The following KCNK10 variants were observed in gnomAD, a reference collection of about 807,000 sequenced individuals.
KCNK10 encodes the protein potassium two pore domain channel subfamily K member 10.
In KCNK10, 25 loss-of-function variants were observed where a neutral mutation model predicts 47.7. The observed-to-expected ratio is 0.52, with a 90% CI of 0.38 to 0.73. The LOEUF (loss-of-function observed/expected upper bound fraction) is 0.73, where lower values mean the gene tolerates loss of function less well. KCNK10 is among the 30% of genes least tolerant of loss of function. The pLI is 0.00. For missense variants in KCNK10, 563 were observed against 714.5 expected (o/e 0.79, Z 2.42); for synonymous variants, 303 against 285.6 (o/e 1.06, Z -0.61).
chr14:88,320,318 T>A (rs1566724111), intron 1 of KCNK10, among the ~76,000 whole-genome samples: 1 of 152,266 alleles, frequency 6.6e-6, no homozygotes, highest in Non-Finnish European at 1.5e-5. Context: ...GCTATTTGTA[T>A]GCTTTTCTTC....
At chr14:88,326,549 G>T, upstream of KCNK10, 1 of 919,300 alleles carries the variant, frequency 1.1e-6, no homozygotes. Context: ...CTGGTGGAAA[G>T]AGACTGCCTA....
At chr14:88,237,279 T>C (rs1464498167) in intron 3 of KCNK10, among the ~76,000 whole-genome samples, 1 of 152,196 alleles carries the variant, frequency 6.6e-6, no homozygotes, top group Non-Finnish European at 1.5e-5. Context: ...ATCTTCACAC[T>C]CTACTTCTAA....
intron 1 of KCNK10, among the ~76,000 whole-genome samples, chr14:88,279,133 C>A (rs11623674): frequency 6.6e-6 from 1 of 152,114 alleles, no homozygotes; most frequent in Non-Finnish European, 1.5e-5. Context: ...TTATCAACAG[C>A]TGCTAATTTT....
Position 88,188,088 on chromosome 14 carries a change from T to C in KCNK10, c.890A>G (p.Tyr297Cys). The change falls in exon 6 of 7, where the codon TAT becomes TGT. Residue 297 changes from tyrosine to cysteine, a missense_variant. Coordinates refer to ENST00000319231, the MANE Select transcript of KCNK10 (RefSeq NM_138317.3). ...FVAGGNAGIN[Y>C]REWYKPLVWF... is the part of the protein sequence containing the mutation. ...CACTAGGGGCTTATACCACTCCCGA[T>C]AATTGATGCCAGCGTTTCCCCCTGA... 6.2e-7 allele frequency: 1 copy of C among 1,614,242 alleles called. No homozygotes were observed. The highest frequency in any genetic ancestry group is 8.5e-7 in the Non-Finnish European group (1 of 1,180,038).
At chr14:88,325,749 T>A (rs1339365940), upstream of KCNK10, among the ~76,000 whole-genome samples, 1 of 152,216 alleles carries the variant, frequency 6.6e-6, no homozygotes, top group Non-Finnish European at 1.5e-5. Flanking sequence ...ATTGGGGAAT[T>A]AGTTCACTGT....
intron 3 of KCNK10, 76 bp downstream of exon 3, chr14:88,240,627 G>C (rs1204373059): frequency 2.2e-6 from 2 of 912,688 alleles, no homozygotes; most frequent in Non-Finnish European, 3.7e-6. Flanking sequence ...TGTATGCTAT[G>C]AGGACAAAAC....
chr14:88,196,122 A>C (rs113541670), intron 4 of KCNK10, among the ~76,000 whole-genome samples: 1 of 152,236 alleles, frequency 6.6e-6, no homozygotes, highest in Non-Finnish European at 1.5e-5. Context: ...ACTAGAGCGC[A>C]TGTTCTTCCC....
At chr14:88,204,296 T>G (rs1885194297) in intron 4 of KCNK10, among the ~76,000 whole-genome samples, 3 of 152,134 alleles carry the variant, frequency 2.0e-5, no homozygotes, top group Admixed American at 1.3e-4. Flanking sequence ...TTCTTCCTTT[T>G]GGAAAAGGAG....
At chr14:88,246,149 G>A (rs1200346063) in intron 2 of KCNK10, among the ~76,000 whole-genome samples, 1 of 151,820 alleles carries the variant, frequency 6.6e-6, no homozygotes, top group Non-Finnish European at 1.5e-5. Context: ...TGTAGTCCCA[G>A]CTACTCGGGA....
rs115402973 is a variant in KCNK10, at chr14:88,193,704, T to A, written c.682-1294A>T. On this transcript the variant is annotated intron_variant, in intron 4 of 6. Transcript: ENST00000319231. Reference sequence around the variant, plus strand: ...ATACTTCATTTTACACATGCAAAACTGAAGCCAAGAGGGGTTAAGGGACTT... The same window carrying A: ...ATACTTCATTTTACACATGCAAAACAGAAGCCAAGAGGGGTTAAGGGACTT... 7.7e-3 allele frequency among the ~76,000 whole-genome samples: 1,165 copies of A among 152,244 alleles called. 9 individuals carry two copies. The highest frequency in any genetic ancestry group is 0.027 in the African/African-American group (1,122 of 41,536).
chr14:88,274,585 C>CGTAACAT lies in KCNK10; in HGVS notation c.53-11041_53-11035dup, dbSNP rs543924797. ...AAAAAAAGATCTTATGGCTTAAGTC[C>CGTAACAT]GTAACATGTCCTATTGCATAATTCC... is the stretch of plus-strand genomic sequence containing the variant. On this transcript the variant is annotated intron_variant, in intron 1 of 6. Coordinates refer to ENST00000319231, the MANE Select transcript of KCNK10 (RefSeq NM_138317.3). Among the ~76,000 whole-genome samples the CGTAACAT allele has an allele frequency of 6.6e-4, 84 of 126,636 alleles. 1 individual carries two copies. Among genetic ancestry groups the CGTAACAT allele is most frequent in the African/African-American group, 2.2e-3 (78 of 35,372 alleles). 83.1% of individuals were successfully genotyped at this position (126,636 alleles called of 152,430 possible).
At chr14:88,326,859 C>A, upstream of KCNK10, 1 of 218,526 alleles carries the variant, frequency 4.6e-6, no homozygotes. Context: ...TACCCCCTCC[C>A]CACGCTCCAG....
rs372506756 is a variant in KCNK10, at chr14:88,182,036, GCACACACA to G, written c.*3491_*3498del. ...AGATGGCCCAACACCACCCCAACCC[GCACACACA>G]CACACACACACACACACACACACAC... is the stretch of plus-strand genomic sequence containing the variant. On this transcript the variant is annotated 3_prime_UTR_variant, in exon 7 of 7. Coordinates refer to ENST00000319231, the MANE Select transcript of KCNK10 (RefSeq NM_138317.3). 0.07 allele frequency: 9,608 copies of G among 136,944 alleles called. 392 individuals carry two copies. The highest frequency in any genetic ancestry group is 0.1 in the African/African-American group (3,765 of 36,760). The allele number at this position is 136,944 out of a possible 1,614,324, so 8.5% of individuals were successfully genotyped here.
At chr14:88,283,740 T>C (rs1373700093) in intron 1 of KCNK10, among the ~76,000 whole-genome samples, 1 of 151,988 alleles carries the variant, frequency 6.6e-6, no homozygotes, top group Non-Finnish European at 1.5e-5. Context: ...TGAAACCCCG[T>C]CTCTACCAAA....
intron 4 of KCNK10, among the ~76,000 whole-genome samples, chr14:88,205,284 C>T (rs1013297603): frequency 1.9e-4 from 29 of 152,276 alleles, no homozygotes; most frequent in African/African-American, 6.0e-4. Flanking sequence ...TAAGGTTCTT[C>T]GCCCTTTTTA....
intron 1 of KCNK10, among the ~76,000 whole-genome samples, chr14:88,315,097 G>C (rs1252173161): frequency 6.6e-6 from 1 of 152,174 alleles, no homozygotes; most frequent in East Asian, 1.9e-4. Context: ...ACTGTACAGA[G>C]GGTGACATTT....
chr14:88,275,266 A>C, intron 1 of KCNK10, among the ~76,000 whole-genome samples: 1 of 149,678 alleles, frequency 6.7e-6, no homozygotes. Context: ...TCCACTTCCT[A>C]CTCTTCCCCG....
chr14:88,311,116 T>C (rs3888743), intron 1 of KCNK10, among the ~76,000 whole-genome samples: 29,281 of 152,018 alleles, frequency 0.19, 3,085 homozygotes, highest in African/African-American at 0.26. Context: ...AGAAAAGCTT[T>C]TTTCTGTTAA....
chr14:88,180,483 T>G lies in KCNK10; in HGVS notation c.*5052A>C, dbSNP rs1631092. 4.1e-6 allele frequency: 1 copy of G among 242,210 alleles called. No homozygotes were observed. The highest frequency in any genetic ancestry group is 1.8e-4 in the South Asian group (1 of 5,672). The allele number at this position is 242,210 out of a possible 1,614,324, so 15.0% of individuals were successfully genotyped here. A position where few individuals can be genotyped will look rare whatever the true frequency, so the allele number is the denominator to read the frequency against. ...CCTTCTCCCTTCAAGCTCAGAGCCC[T>G]GACAGCAAAAGAGAGCTTCCGCAGT... On this transcript the variant is annotated 3_prime_UTR_variant, in exon 7 of 7. Coordinates refer to ENST00000319231, the MANE Select transcript of KCNK10 (RefSeq NM_138317.3).
Sources: gnomAD v4.1 joint callset for allele counts (sites outside exome capture counted in the v4.1 genomes callset) on GRCh38, gnomAD v4.1.1 for gene constraint, MANE v1.5 for transcripts, NCBI Gene and HGNC (gene_info 2026-07-23, HGNC 2026-07-21) for gene names.